The following ENOX1 variants were observed in gnomAD, a reference collection of about 807,000 sequenced individuals.
ENOX1 encodes the protein candidate growth-related and time keeping constitutive hydroquinone (NADH) oxidase.
Under a neutral mutation model 82.5 loss-of-function variants are expected in ENOX1, and 42 were observed. The observed-to-expected ratio is 0.51, with a 90% CI of 0.40 to 0.66. The LOEUF (loss-of-function observed/expected upper bound fraction) is 0.66. ENOX1 is among the 30% of genes least tolerant of loss of function. The pLI is 0.00. For missense variants in ENOX1, 608 were observed against 811.6 expected, an observed-to-expected ratio of 0.75 and a Z score of 3.05; for synonymous variants, 271 against 282.2, an observed-to-expected ratio of 0.96 and a Z score of 0.40.
intron 9 of ENOX1, among the ~76,000 whole-genome samples, chr13:43,340,100 C>T (rs551815033): frequency 8.5e-4 from 130 of 152,262 alleles, no homozygotes; most frequent in African/African-American, 3.1e-3. Context: ...AAAGGAGAGG[C>T]ATTTGGATTA....
intron 9 of ENOX1, among the ~76,000 whole-genome samples, chr13:43,338,115 A>C (rs927688289): frequency 6.6e-6 from 1 of 152,170 alleles, no homozygotes; most frequent in Non-Finnish European, 1.5e-5. Flanking sequence ...GGAGTGTTTA[A>C]ATTTTTATTA....
intron 1 of ENOX1, among the ~76,000 whole-genome samples, chr13:43,708,441 T>A (rs1273902998): frequency 5.3e-5 from 8 of 152,296 alleles, no homozygotes; most frequent in Admixed American, 1.3e-4. Flanking sequence ...TGTACTTTAC[T>A]TCCTTTTGTT....
chr13:43,650,406 G>A (rs772333299), intron 2 of ENOX1, among the ~76,000 whole-genome samples: 5 of 152,102 alleles, frequency 3.3e-5, no homozygotes, highest in African/African-American at 9.7e-5. Context: ...TGATCCCTGC[G>A]TTATGACACA....
intron 12 of ENOX1, among the ~76,000 whole-genome samples, chr13:43,296,948 G>A (rs2046317254): frequency 6.6e-6 from 1 of 152,118 alleles, no homozygotes; most frequent in South Asian, 2.1e-4. Flanking sequence ...ACCCAATGTT[G>A]GGGCACATGG....
chr13:43,391,119 C>T (rs2052749122), intron 5 of ENOX1, among the ~76,000 whole-genome samples: 1 of 152,078 alleles, frequency 6.6e-6, no homozygotes, highest in South Asian at 2.1e-4. Flanking sequence ...AACCCGGCCC[C>T]CATTGCAGTC....
intron 3 of ENOX1, among the ~76,000 whole-genome samples, chr13:43,470,956 A>G (rs1242352933): frequency 1.3e-5 from 2 of 152,158 alleles, no homozygotes; most frequent in Non-Finnish European, 2.9e-5. Flanking sequence ...AGATCTGGCA[A>G]TTTCTTCAAA....
chr13:43,609,892 G>T, intron 2 of ENOX1: 3 of 980,610 alleles, frequency 3.1e-6, no homozygotes, highest in Non-Finnish European at 2.4e-6. Flanking sequence ...CTTCATTCAT[G>T]TAAGAAATTT....
chr13:43,474,425 G>A (rs1342733898), intron 3 of ENOX1, among the ~76,000 whole-genome samples: 1 of 152,086 alleles, frequency 6.6e-6, no homozygotes, highest in East Asian at 1.9e-4. Context: ...AGTATTAAGA[G>A]CACACTTGAA....
chr13:43,591,152 T>A (rs1452289498), intron 2 of ENOX1, among the ~76,000 whole-genome samples: 1 of 152,208 alleles, frequency 6.6e-6, no homozygotes, highest in African/African-American at 2.4e-5. Context: ...CAGAAAACCA[T>A]CTGCACCTAT....
chr13:43,477,179 A>ATG (rs941298656), intron 3 of ENOX1, among the ~76,000 whole-genome samples: 37 of 151,132 alleles, frequency 2.4e-4, no homozygotes, highest in African/African-American at 9.0e-4. Context: ...ATATATATAT[A>ATG]TAGTATACAC....
intron 12 of ENOX1, among the ~76,000 whole-genome samples, chr13:43,293,109 C>T (rs1404245167): frequency 6.6e-6 from 1 of 152,034 alleles, no homozygotes; most frequent in Non-Finnish European, 1.5e-5. Flanking sequence ...TTACCACAGC[C>T]ACTACAGCCA....
chr13:43,239,253 C>T (rs987481501), intron 14 of ENOX1, among the ~76,000 whole-genome samples: 8 of 152,224 alleles, frequency 5.3e-5, no homozygotes, highest in Admixed American at 5.2e-4. Context: ...CTGGAGTGGA[C>T]ACATCTCTCT....
chr13:43,671,324 AG>A (rs1341148781), intron 1 of ENOX1, among the ~76,000 whole-genome samples: 1 of 152,210 alleles, frequency 6.6e-6, no homozygotes, highest in Non-Finnish European at 1.5e-5. Context: ...TCTAATCATA[AG>A]GTCAATATAG....
intron 11 of ENOX1, chr13:43,321,145 C>A: frequency 2.2e-6 from 1 of 456,248 alleles, no homozygotes; most frequent in Non-Finnish European, 4.4e-6. Flanking sequence ...GGGAAAGTTT[C>A]TAAGGCAGTG....
intron 5 of ENOX1, among the ~76,000 whole-genome samples, chr13:43,363,499 A>G (rs2050655522): frequency 6.6e-6 from 1 of 152,248 alleles, no homozygotes; most frequent in Non-Finnish European, 1.5e-5. Context: ...TTTCAACATC[A>G]TCATCATTAA....
At chr13:43,289,018 C>T (rs141967529) in intron 12 of ENOX1, among the ~76,000 whole-genome samples, 5 of 152,068 alleles carry the variant, frequency 3.3e-5, no homozygotes, top group South Asian at 2.1e-4. Context: ...ACCAAGGAGG[C>T]GAAAGATCTC....
At chr13:43,684,789 A>G (rs1261274338) in intron 1 of ENOX1, among the ~76,000 whole-genome samples, 1 of 152,214 alleles carries the variant, frequency 6.6e-6, no homozygotes, top group African/African-American at 2.4e-5. Context: ...TAGTAGCCAT[A>G]GTCAACCATA....
intron 3 of ENOX1, chr13:43,458,658 T>C (rs1221697541): frequency 6.6e-6 from 1 of 152,156 alleles, no homozygotes; most frequent in Non-Finnish European, 1.5e-5. Flanking sequence ...AGGAAAATAT[T>C]TGGCCCAGCA....
intron 2 of ENOX1, among the ~76,000 whole-genome samples, chr13:43,568,300 C>T (rs1158607157): frequency 2.6e-5 from 4 of 152,148 alleles, no homozygotes; most frequent in East Asian, 1.9e-4. Context: ...TTGACAGGCA[C>T]GAGACACATT....
Sources: gnomAD v4.1 joint callset for allele counts (sites outside exome capture counted in the v4.1 genomes callset) on GRCh38, gnomAD v4.1.1 for gene constraint, MANE v1.5 for transcripts, NCBI Gene and HGNC (gene_info 2026-07-23, HGNC 2026-07-21) for gene names.